The following HGSNAT variants were observed in gnomAD, a reference collection of about 807,000 sequenced individuals.
HGSNAT encodes heparan-alpha-glucosaminide N-acetyltransferase.
In HGSNAT, 59 loss-of-function variants were observed where a neutral mutation model predicts 85.2. The ratio of observed to expected loss-of-function variants is 0.69; its 90% CI spans 0.56 to 0.86. The LOEUF is 0.86. HGSNAT is among the 40% of genes least tolerant of loss of function. The pLI, the probability that HGSNAT is intolerant of heterozygous loss-of-function variation, is 0.00. For synonymous variants in HGSNAT, 321 were observed against 304.5 expected (o/e 1.05, Z -0.56); for missense variants, 756 against 777.1 (o/e 0.97, Z 0.32).
At chr8:43,150,474 A>G (rs1239109869) in intron 2 of HGSNAT, among the ~76,000 whole-genome samples, 6 of 152,012 alleles carry the variant, frequency 3.9e-5, no homozygotes, top group Non-Finnish European at 8.8e-5. Context: ...AAACAAAACA[A>G]AACAAAAACA....
intron 7 of HGSNAT, among the ~76,000 whole-genome samples, chr8:43,171,884 G>A (rs1803636604): frequency 6.6e-6 from 1 of 152,156 alleles, no homozygotes. Flanking sequence ...ACCTTGCCCA[G>A]GGTCTTATGG....
intron 2 of HGSNAT, among the ~76,000 whole-genome samples, chr8:43,153,818 C>T (rs1419510766): frequency 1.3e-5 from 2 of 152,146 alleles, no homozygotes; most frequent in African/African-American, 4.8e-5. Context: ...CTGTGTCTGG[C>T]TTATTTCACT....
At chr8:43,179,657 G>A (rs1803972928) in intron 10 of HGSNAT, among the ~76,000 whole-genome samples, 1 of 16,030 alleles carries the variant, frequency 6.2e-5, no homozygotes, top group African/African-American at 3.0e-4. Flanking sequence ...TGGCCAGGCG[G>A]GGGGCTGATC....
At chr8:43,148,416 AG>A (rs1336089463) in intron 2 of HGSNAT, among the ~76,000 whole-genome samples, 2 of 152,032 alleles carry the variant, frequency 1.3e-5, no homozygotes, top group Non-Finnish European at 2.9e-5. Context: ...TGTTAGGTGT[AG>A]GGCAAGTAAG....
In HGSNAT at chr8:43,188,584, C is replaced by T. The variant is rs183230605; in HGVS notation, c.1129-2890C>T. 2.1e-3 allele frequency among the ~76,000 whole-genome samples: 318 copies of T among 152,252 alleles called. 2 individuals carry two copies. The highest frequency in any genetic ancestry group is 7.4e-3 in the African/African-American group (309 of 41,542). ...GTTTTTAGCTTCTTTGAGATGGGTT[C>T]AAACATCCTCCTTTAGCTCGGAGAA... On this transcript the variant is annotated intron_variant, in intron 11 of 17. Coordinates refer to ENST00000379644, the MANE Select transcript of HGSNAT (RefSeq NM_152419.3).
At position 43,174,389 on chromosome 8, in the gene HGSNAT, A is replaced by G. The variant is rs184877440; in HGVS notation, c.851+646A>G. 2.7e-4 allele frequency among the ~76,000 whole-genome samples: 41 copies of G among 152,316 alleles called. 1 individual carries two copies. The highest frequency in any genetic ancestry group is 2.4e-3 in the Admixed American group (37 of 15,304). On this transcript the variant is annotated intron_variant, in intron 9 of 17. Transcript: ENST00000379644. ...ATCCTATTTCCTGAAGAATTACAGT[A>G]TATTGGTATCAGTGAATGCTAATAA...
chr8:43,140,833 C>T (rs1051996020), intron 1 of HGSNAT, among the ~76,000 whole-genome samples: 2 of 151,822 alleles, frequency 1.3e-5, no homozygotes, highest in Non-Finnish European at 2.9e-5. Flanking sequence ...GGGGAGGGGG[C>T]GGTTCGGACC....
chr8:43,161,330 A>C, intron 4 of HGSNAT, 108 bp from the exon 5 acceptor site: 1 of 802,438 alleles, frequency 1.2e-6, no homozygotes, highest in Non-Finnish European at 2.1e-6. Flanking sequence ...ATGAGAATAT[A>C]GGCTTCCCCT....
chr8:43,198,224 A>G (rs956630724), intron 17 of HGSNAT, among the ~76,000 whole-genome samples: 1 of 150,224 alleles, frequency 6.7e-6, no homozygotes, highest in African/African-American at 2.5e-5. Flanking sequence ...TCTTCAGGCT[A>G]TACCAAATTG....
intron 2 of HGSNAT, among the ~76,000 whole-genome samples, chr8:43,147,274 T>G (rs1308655067): frequency 6.6e-6 from 1 of 152,212 alleles, no homozygotes; most frequent in African/African-American, 2.4e-5. Context: ...TACTCATCCT[T>G]TAAAAAGCCA....
At chr8:43,153,436 G>A (rs765802646) in intron 2 of HGSNAT, among the ~76,000 whole-genome samples, 11 of 151,488 alleles carry the variant, frequency 7.3e-5, no homozygotes, top group Non-Finnish European at 1.6e-4. Context: ...CAAGTGATCC[G>A]CCCACCTCGG....
At position 43,192,349 on chromosome 8, in the gene HGSNAT, A is replaced by G. The variant is rs934775642; in HGVS notation, c.1296A>G (p.Pro432=). The G allele has an allele frequency of 1.2e-6, 2 of 1,611,872 alleles. No individual in the cohort carries two copies. The highest frequency in any genetic ancestry group is 1.7e-6 in the Non-Finnish European group (2 of 1,179,188). ...GCATTGGAGATTTTGGCAAGTATCC[A>G]AATTGCACTGGAGGAGCTGCAGGCT... ...PGGIGDFGKY[P]NCTGGAAGYI... is the part of the protein sequence containing the mutation. Residue 432 remains proline, a synonymous_variant, in exon 13 of 18, where the codon CCA becomes CCG. Transcript: ENST00000379644.
chr8:43,175,122 T>C (rs998046814), intron 9 of HGSNAT, among the ~76,000 whole-genome samples: 1 of 152,212 alleles, frequency 6.6e-6, no homozygotes, highest in East Asian at 1.9e-4. Flanking sequence ...ATTTTCTTTC[T>C]AAGTGTCTGT....
chr8:43,191,628 A>C (rs1804533735), intron 12 of HGSNAT, 33 bp downstream of exon 12: 1 of 1,609,050 alleles, frequency 6.2e-7, no homozygotes, highest in Admixed American at 1.7e-5. Flanking sequence ...TCCCTTGTGC[A>C]TGTCCTGTTC....
chr8:43,177,507 G>A (rs562037320), intron 9 of HGSNAT, among the ~76,000 whole-genome samples: 6 of 143,746 alleles, frequency 4.2e-5, no homozygotes, highest in African/African-American at 7.8e-5. Flanking sequence ...GCAGTGAGCC[G>A]AGATCGTGCC....
Position 43,140,604 on chromosome 8 carries a change from G to C in HGSNAT, c.108G>C (p.Ala36=), listed in dbSNP as rs886062952. ...GGSSGRDAQA[A]PPRDLDKKRH... is the part of the protein sequence containing the mutation. ...CTTCGGGGCGCGATGCCCAGGCCGC[G>C]CCGCCACGAGGTGAGTGCACACCTC... Residue 36 remains alanine (A), a synonymous_variant, in exon 1 of 18, where the codon GCG becomes GCC. Transcript: ENST00000379644. 3.2e-6 allele frequency: 4 copies of C among 1,235,246 alleles called. No individual in the cohort carries two copies. The highest frequency in any genetic ancestry group is 4.1e-6 in the Non-Finnish European group (4 of 980,644). The allele number at this position is 1,235,246 out of a possible 1,614,324, so 76.5% of individuals were successfully genotyped here. A position where few individuals can be genotyped will look rare whatever the true frequency, so the allele number is the denominator to read the frequency against.
chr8:43,188,093 A>T (rs1054818970), intron 11 of HGSNAT, among the ~76,000 whole-genome samples: 3 of 151,894 alleles, frequency 2.0e-5, no homozygotes, highest in African/African-American at 7.3e-5. Flanking sequence ...CTTCATTTCA[A>T]CTTTGGTGAA....
rs555309398 is a variant in HGSNAT at position 43,179,293 on chromosome 8, C to A, written c.1012+1059C>A. ...GGCGGCTGGCCAGGCAGAGGGGCTC[C>A]TCACTTCCCAGTAGGGGCGGCCGGG... On this transcript the variant is annotated intron_variant, in intron 10 of 17. Transcript: ENST00000379644. Among the ~76,000 whole-genome samples the A allele has an allele frequency of 3.3e-5, 5 of 151,320 alleles. No individual in the cohort carries two copies. In the South Asian group the frequency reaches 1.0e-3, roughly 31 times the overall value.
At position 43,199,672 on chromosome 8, in the gene HGSNAT, T is replaced by C. The variant is rs1033219997; in HGVS notation, c.*103T>C. The C allele has an allele frequency of 5.6e-6, 5 of 898,182 alleles. No individual in the cohort carries two copies. The African/African-American group carries it at 8.5e-5, about 15-fold the overall frequency. 55.6% of individuals were successfully genotyped at this position (898,182 alleles called of 1,614,324 possible). A position where few individuals can be genotyped will look rare whatever the true frequency, so the allele number is the denominator to read the frequency against. Reference sequence around the variant, plus strand: ...AGCATTCATTAGGAAATTGACTGGCTGCGTGTTTACAGACTCTGGGGGAAG... The same window carrying C: ...AGCATTCATTAGGAAATTGACTGGCCGCGTGTTTACAGACTCTGGGGGAAG... On this transcript the variant is annotated 3_prime_UTR_variant, in exon 18 of 18. Coordinates refer to ENST00000379644, the MANE Select transcript of HGSNAT (RefSeq NM_152419.3).
Sources: allele counts gnomAD v4.1 joint callset (sites outside exome capture counted in the v4.1 genomes callset), GRCh38; gene constraint gnomAD v4.1.1; transcripts MANE v1.5; gene names NCBI Gene and HGNC (gene_info 2026-07-23, HGNC 2026-07-21).